The following NCAPD3 variants were observed in gnomAD, a reference collection of about 807,000 sequenced individuals.
The protein encoded by NCAPD3 is non-SMC condensin II complex subunit D3.
NCAPD3 carries 105 observed loss-of-function variants against 182.9 expected under a neutral mutation model. The observed-to-expected ratio is 0.57, with a 90% CI of 0.49 to 0.68. The LOEUF (loss-of-function observed/expected upper bound fraction) is 0.68. NCAPD3 is among the 30% of genes least tolerant of loss of function. The pLI is 0.00. For synonymous variants in NCAPD3, 815 were observed against 679.9 expected, an observed-to-expected ratio of 1.20 and a Z score of -3.09; for missense variants, 1,944 against 1,837.0, an observed-to-expected ratio of 1.06 and a Z score of -1.07.
At chr11:134,209,670 C>T (rs1442522236) in intron 4 of NCAPD3, 193 bp from the exon 5 acceptor site, 5 of 553,458 alleles carry the variant, frequency 9.0e-6, no homozygotes, top group East Asian at 8.9e-5. Context: ...ACTAGATGAC[C>T]GCTACAGTAG....
chr11:134,185,242 T>C (rs1944379099), intron 17 of NCAPD3, 93 bp downstream of exon 17: 22 of 1,157,422 alleles, frequency 1.9e-5, no homozygotes, highest in Non-Finnish European at 2.5e-5. Flanking sequence ...TCTCTGTATA[T>C]GAATAGCTAT....
intron 16 of NCAPD3, among the ~76,000 whole-genome samples, chr11:134,186,446 C>G (rs1258301311): frequency 6.6e-6 from 1 of 152,236 alleles, no homozygotes; most frequent in Non-Finnish European, 1.5e-5. Context: ...CTTCTGGGCT[C>G]AAGCCATCCT....
intron 1 of NCAPD3, among the ~76,000 whole-genome samples, chr11:134,222,506 T>C (rs905951481): frequency 3.9e-5 from 6 of 152,228 alleles, no homozygotes; most frequent in African/African-American, 1.4e-4. Context: ...CTCTCCTTCA[T>C]CATTGGAAAT....
At chr11:134,215,188 T>C in intron 3 of NCAPD3, among the ~76,000 whole-genome samples, 1 of 152,012 alleles carries the variant, frequency 6.6e-6, no homozygotes, top group Non-Finnish European at 1.5e-5. Context: ...AATAACTTAA[T>C]AAGGGCCATC....
Position 134,151,948 on chromosome 11 carries a change from G to A in NCAPD3, c.*996C>T, listed in dbSNP as rs974709975. 11 of 152,068 alleles carry A rather than the reference G, an allele frequency of 7.2e-5. No individual in the cohort carries two copies. Among genetic ancestry groups the A allele is most frequent in the Non-Finnish European group, 1.2e-4 (8 of 68,018 alleles). 9.4% of individuals were successfully genotyped at this position (152,068 alleles called of 1,614,324 possible). A position where few individuals can be genotyped will look rare whatever the true frequency, so the allele number is the denominator to read the frequency against. On this transcript the variant is annotated 3_prime_UTR_variant, in exon 35 of 35. Transcript: ENST00000534548. ...CCGCCACCGAGCCCACCTGTGTTGCGGTTCCCACTTGGGATGGCAGTGGGC... is the reference window on the plus strand; with the variant it reads ...CCGCCACCGAGCCCACCTGTGTTGCAGTTCCCACTTGGGATGGCAGTGGGC...
intron 3 of NCAPD3, among the ~76,000 whole-genome samples, chr11:134,216,346 A>G (rs917867424): frequency 6.6e-6 from 1 of 152,202 alleles, no homozygotes; most frequent in Non-Finnish European, 1.5e-5. Flanking sequence ...TATCTGACTC[A>G]ATCTCTATGT....
chr11:134,170,937 G>A (rs1185504492), intron 24 of NCAPD3, among the ~76,000 whole-genome samples: 1 of 152,198 alleles, frequency 6.6e-6, no homozygotes, highest in Admixed American at 6.5e-5. Flanking sequence ...AGATTAAGAT[G>A]CACAAATCCT....
rs1167714837 is a variant in NCAPD3, at chr11:134,153,319, C to T, written c.4297G>A (p.Gly1433Arg). 3.3e-5 allele frequency: 54 copies of T among 1,614,056 alleles called. No individual in the cohort carries two copies. The highest frequency in any genetic ancestry group is 5.0e-5 in the Admixed American group (3 of 60,002). The change falls in exon 33 of 35, where the codon GGG becomes AGG. Residue 1433 changes from glycine (G) to arginine (R), a missense_variant. Gly to Arg is a moderately radical substitution (Grantham distance 125, BLOSUM62 -2). Around this residue, in one of 3 missense-constraint regions of NCAPD3, gnomAD observed 1,803 missense variants for 1,674.6 expected, o/e 1.08. Transcript: ENST00000534548. ...VTFGAGVSYI[G>R]TPRTPSSAKE... ...GCTGACGACGGAGTCCGTGGTGTCCCGATGTAACTGACCCCTGCTCCAAAC... is the reference window on the plus strand; with the variant it reads ...GCTGACGACGGAGTCCGTGGTGTCCTGATGTAACTGACCCCTGCTCCAAAC...
chr11:134,154,585 G>A (rs910364876), intron 32 of NCAPD3, among the ~76,000 whole-genome samples: 3 of 149,650 alleles, frequency 2.0e-5, no homozygotes, highest in Non-Finnish European at 1.5e-5. Flanking sequence ...CTCCTGGGTG[G>A]TGCAGCCTCG....
chr11:134,220,589 C>T lies in NCAPD3; in HGVS notation c.202G>A (p.Glu68Lys), dbSNP rs1938189803. 1.2e-6 allele frequency: 2 copies of T among 1,613,592 alleles called. No individual in the cohort carries two copies. Among genetic ancestry groups the T allele is most frequent in the African/African-American group, 2.7e-5 (2 of 75,020 alleles). The change falls in exon 2 of 35, where the codon GAA (glutamate) becomes AAA (lysine). Residue 68 changes from glutamate (E) to lysine (K), a missense_variant. By Grantham distance (56) the Glu-to-Lys change is moderately conservative (BLOSUM62 1). Transcript: ENST00000534548. ...ATTTTTACCTCCATAGATCCATGTTCTCCAGTAGCAAAGGGTAAAAGGCTT... is the reference window on the plus strand; with the variant it reads ...ATTTTTACCTCCATAGATCCATGTTTTCCAGTAGCAAAGGGTAAAAGGCTT... ...YESLLPFATG[E>K]HGSMESIWTF...
intron 13 of NCAPD3, among the ~76,000 whole-genome samples, chr11:134,196,502 C>T (rs922613591): frequency 1.3e-5 from 2 of 151,524 alleles, no homozygotes; most frequent in African/African-American, 2.4e-5. Flanking sequence ...AAAAATTTGC[C>T]GGGTGTGGGG....
chr11:134,209,432 A>G lies in NCAPD3; in HGVS notation c.613T>C (p.Ser205Pro). The change falls in exon 5 of 35, where the codon TCT becomes CCT. Residue 205 changes from serine (S) to proline (P), a missense_variant. Ser to Pro is a moderately conservative substitution (Grantham distance 74). Transcript: ENST00000534548. ...EEQEDENICF[S>P]ARDLSQIRNA... is the part of the protein sequence containing the mutation. The stretch of plus-strand genomic sequence containing the variant: ...CGAATTTGAGAAAGGTCCCGGGCAG[A>G]AAAACAAATATTCTCATCTTCTTGT... The G allele has an allele frequency of 6.2e-7, 1 of 1,613,280 alleles. No homozygotes were observed. Among genetic ancestry groups the G allele is most frequent in the East Asian group, 2.2e-5 (1 of 44,874 alleles).
chr11:134,181,270 G>T (rs572301386), intron 19 of NCAPD3, 86 bp from the exon 20 acceptor site: 1 of 874,666 alleles, frequency 1.1e-6, no homozygotes, highest in Admixed American at 2.2e-5. Flanking sequence ...AAGAAACTAT[G>T]ATCTTCAAAT....
At chr11:134,180,801 A>C (rs752492253) in intron 20 of NCAPD3, among the ~76,000 whole-genome samples, 1 of 152,216 alleles carries the variant, frequency 6.6e-6, no homozygotes, top group Non-Finnish European at 1.5e-5. Flanking sequence ...CAACCTTACA[A>C]CACATACTGT....
rs6590735 is a variant in NCAPD3 at position 134,152,192 on chromosome 11, G to A, written c.*752C>T. On this transcript the variant is annotated 3_prime_UTR_variant, in exon 35 of 35. Transcript: ENST00000534548. ...CCCTTAACAGAGGGCTGCACAAATC[G>A]GCAGTGCTGCTCTGGGGAAGGCTGC... is the stretch of plus-strand genomic sequence containing the variant. 2.6e-5 allele frequency among the ~76,000 whole-genome samples: 4 copies of A among 152,228 alleles called. No homozygotes were observed. In the South Asian group the frequency reaches 6.2e-4, roughly 24 times the overall value.
At chr11:134,163,578 T>C (rs1400834517) in intron 27 of NCAPD3, among the ~76,000 whole-genome samples, 2 of 151,658 alleles carry the variant, frequency 1.3e-5, no homozygotes, top group African/African-American at 2.4e-5. Context: ...CTGGTGCCTG[T>C]AGTCCCAGCT....
chr11:134,153,147 C>T lies in NCAPD3; in HGVS notation c.4381G>A (p.Asp1461Asn), dbSNP rs200132835. Reference protein sequence around the residue: ...GNDILCLSLPDKPPPQPQQWN... With the variant: ...GNDILCLSLPNKPPPQPQQWN... ...GAACACTGCTAAACTTACGGTTTAT[C>T]AGGCAGTGATAAACATAAGATGTCA... The change falls in exon 34 of 35, where the codon GAT (aspartate) becomes AAT (asparagine). Residue 1461 changes from aspartate (D) to asparagine (N), a missense_variant. Asp to Asn is a conservative substitution (Grantham distance 23). Around this residue, in one of 3 missense-constraint regions of NCAPD3, gnomAD observed 1,803 missense variants for 1,674.6 expected, o/e 1.08. Transcript: ENST00000534548. 125 of 1,614,024 alleles carry T rather than the reference C, an allele frequency of 7.7e-5. No individual in the cohort carries two copies. The highest frequency in any genetic ancestry group is 1.0e-4 in the Non-Finnish European group (120 of 1,179,994).
chr11:134,176,698 A>C (rs1944176239), intron 23 of NCAPD3, among the ~76,000 whole-genome samples: 1 of 152,220 alleles, frequency 6.6e-6, no homozygotes, highest in African/African-American at 2.4e-5. Context: ...ATACAACCTA[A>C]GTGAAAGGTG....
At chr11:134,164,202 C>T (rs537852254) in intron 27 of NCAPD3, among the ~76,000 whole-genome samples, 4 of 152,162 alleles carry the variant, frequency 2.6e-5, no homozygotes, top group African/African-American at 7.2e-5. Flanking sequence ...TCATTCAGAT[C>T]CAAATTCTAC....
Sources: allele counts gnomAD v4.1 joint callset (sites outside exome capture counted in the v4.1 genomes callset), GRCh38; gene constraint gnomAD v4.1.1; regional missense constraint gnomAD v4.1.1; transcripts MANE v1.5; gene names NCBI Gene and HGNC (gene_info 2026-07-23, HGNC 2026-07-21).